CACNA1H: variants seen among roughly 807,000 people sequenced by gnomAD.
CACNA1H encodes calcium voltage-gated channel subunit alpha1 H.
Under a neutral mutation model 192.5 loss-of-function variants are expected in CACNA1H, and 149 were observed. The observed-to-expected ratio is 0.77, with a 90% CI of 0.68 to 0.89. CACNA1H has a LOEUF of 0.89. Among genes scored for constraint, CACNA1H ranks in the 40% least tolerant of loss-of-function variants. The pLI, the probability that CACNA1H is intolerant of heterozygous loss-of-function variation, is 0.00. For missense variants in CACNA1H, 4,257 were observed against 3,423.5 expected (o/e 1.24, Z -6.08); for synonymous variants, 2,202 against 1,475.2 (o/e 1.49, Z -11.29).
chr16:1,171,487 C>T (rs537414620), intron 2 of CACNA1H, among the ~76,000 whole-genome samples: 1 of 152,196 alleles, frequency 6.6e-6, no homozygotes, highest in Non-Finnish European at 1.5e-5. Flanking sequence ...AGGAGGCCCG[C>T]GGGAAGCTTC....
chr16:1,202,323 A>C lies in CACNA1H; in HGVS notation c.1873A>C (p.Lys625Gln), dbSNP rs1567515069. 1 of 1,581,872 alleles carries C rather than the reference A, an allele frequency of 6.3e-7. No homozygotes were observed. Among genetic ancestry groups the C allele is most frequent in the African/African-American group, 1.3e-5 (1 of 74,338 alleles). The change falls in exon 9 of 35, where the codon AAA becomes CAA. Residue 625 changes from lysine to glutamine, a missense_variant. Transcript: ENST00000348261. The part of the protein sequence containing the change: ...TILPSGVGSG[K>Q]GSTSPGPKGK... ...CCTGCCCTCAGGGGTGGGCAGCGGCAAAGGCAGCACCAGCCCCGGACCCAA... is the reference window on the plus strand; with the variant it reads ...CCTGCCCTCAGGGGTGGGCAGCGGCCAAGGCAGCACCAGCCCCGGACCCAA...
chr16:1,199,666 C>G (rs1352212431), intron 6 of CACNA1H, among the ~76,000 whole-genome samples: 1 of 149,588 alleles, frequency 6.7e-6, no homozygotes, highest in African/African-American at 2.5e-5. Flanking sequence ...GTCCCCTCAA[C>G]CCTCACCCCG....
Position 1,218,202 on chromosome 16 carries a change from C to T in CACNA1H, c.5446-8C>T. 1.9e-6 allele frequency: 3 copies of T among 1,546,592 alleles called. No homozygotes were observed. The highest frequency in any genetic ancestry group is 2.6e-6 in the Non-Finnish European group (3 of 1,144,476). On this transcript the variant is annotated splice_region_variant and splice_polypyrimidine_tract_variant and intron_variant, in intron 32 of 34. Coordinates refer to ENST00000348261, the MANE Select transcript of CACNA1H (RefSeq NM_021098.3). ...TGGACCCCGGCCCACAGCTGTCCCCCACCGCAGGACACGCTGCGCGAGTGC... is the reference window on the plus strand; with the variant it reads ...TGGACCCCGGCCCACAGCTGTCCCCTACCGCAGGACACGCTGCGCGAGTGC...
intron 2 of CACNA1H, among the ~76,000 whole-genome samples, chr16:1,183,937 G>A (rs1445553094): frequency 6.6e-6 from 1 of 152,238 alleles, no homozygotes; most frequent in African/African-American, 2.4e-5. Context: ...AGGTGCCCTG[G>A]AGCCGTGTCC....
chr16:1,160,945 G>A (rs1023134760), intron 2 of CACNA1H, among the ~76,000 whole-genome samples: 14 of 152,050 alleles, frequency 9.2e-5, no homozygotes, highest in East Asian at 1.9e-4. Context: ...CCCCAGCCTC[G>A]GTGCAGCCCT....
chr16:1,200,740 G>A lies in CACNA1H; in HGVS notation c.1144G>A (p.Asp382Asn), dbSNP rs375121203. Reference protein sequence around the residue: ...FQVITLEGWVDIMYYVMDAHS... With the variant: ...FQVITLEGWVNIMYYVMDAHS... ...GGTGATCACGCTGGAAGGCTGGGTG[G>A]ACATCATGTACTACGTCATGGACGC... is the stretch of plus-strand genomic sequence containing the variant. The change falls in exon 8 of 35, where the codon GAC becomes AAC. Residue 382 changes from aspartate to asparagine, a missense_variant. Physicochemically the swap from Asp to Asn is conservative, Grantham distance 23 (BLOSUM62 1). Coordinates refer to ENST00000348261, the MANE Select transcript of CACNA1H (RefSeq NM_021098.3). 235 of 1,560,986 alleles carry A rather than the reference G, an allele frequency of 1.5e-4. 1 individual carries two copies. The highest frequency in any genetic ancestry group is 1.9e-4 in the Non-Finnish European group (224 of 1,152,700).
At chr16:1,193,898 G>A (rs866996521) in intron 2 of CACNA1H, among the ~76,000 whole-genome samples, 5 of 152,210 alleles carry the variant, frequency 3.3e-5, no homozygotes, top group Admixed American at 6.5e-5. Context: ...CCCTCCTACC[G>A]TGGCAGCTGC....
rs756273276 is a variant in CACNA1H at position 1,207,401 on chromosome 16, G to T, written c.3034G>T (p.Ala1012Ser). 1 of 1,613,238 alleles carries T rather than the reference G, an allele frequency of 6.2e-7. No homozygotes were observed. The highest frequency in any genetic ancestry group is 8.5e-7 in the Non-Finnish European group (1 of 1,179,806). The change falls in exon 14 of 35, where the codon GCC becomes TCC. Residue 1012 changes from alanine to serine, a missense_variant. Transcript: ENST00000348261. Reference protein sequence around the residue: ...GNYVLFNLLVAILVEGFQAEG... With the variant: ...GNYVLFNLLVSILVEGFQAEG... ...CTATGTGCTCTTCAACCTGCTGGTGGCCATCCTCGTGGAGGGCTTCCAGGC... is the reference window on the plus strand; with the variant it reads ...CTATGTGCTCTTCAACCTGCTGGTGTCCATCCTCGTGGAGGGCTTCCAGGC...
chr16:1,200,601 C>T (rs1967737017), intron 7 of CACNA1H, 30 bp downstream of exon 7: 2 of 1,609,094 alleles, frequency 1.2e-6, no homozygotes, highest in Non-Finnish European at 1.7e-6. Flanking sequence ...GACGGGGACC[C>T]TGGGGCACGG....
intron 2 of CACNA1H, among the ~76,000 whole-genome samples, chr16:1,183,505 G>A (rs1472121685): frequency 6.6e-6 from 1 of 152,176 alleles, no homozygotes. Context: ...GCGCATCCCC[G>A]GCAACCCTGA....
intron 2 of CACNA1H, among the ~76,000 whole-genome samples, chr16:1,160,699 C>T (rs1031251835): frequency 6.6e-6 from 1 of 152,170 alleles, no homozygotes; most frequent in Non-Finnish European, 1.5e-5. Context: ...CCGTGAGAGC[C>T]CCCGGGTTTG....
intron 21 of CACNA1H, 64 bp from the exon 22 acceptor site, chr16:1,211,104 G>A: frequency 1.3e-6 from 2 of 1,588,720 alleles, no homozygotes; most frequent in Non-Finnish European, 1.7e-6. Context: ...CCTTTGCTGA[G>A]CTCTGCCGGC....
intron 2 of CACNA1H, among the ~76,000 whole-genome samples, chr16:1,165,284 G>T (rs1963643030): frequency 1.3e-5 from 2 of 152,216 alleles, no homozygotes; most frequent in African/African-American, 4.8e-5. Flanking sequence ...GGCTTCAGCG[G>T]GCCTGGGGGC....
At chr16:1,205,289 G>A (rs1406826429) in intron 11 of CACNA1H, 24 bp downstream of exon 11, 2 of 1,582,620 alleles carry the variant, frequency 1.3e-6, no homozygotes, top group Non-Finnish European at 1.7e-6. Context: ...CTCTCCCCAG[G>A]AAGAGGGGCC....
At chr16:1,211,664 G>T in intron 23 of CACNA1H, 52 bp from the exon 24 acceptor site, 2 of 1,610,148 alleles carry the variant, frequency 1.2e-6, no homozygotes, top group Non-Finnish European at 8.5e-7. Flanking sequence ...GAGCGAGAGG[G>T]CCGGCGACCC....
chr16:1,187,585 C>A (rs1966200073), intron 2 of CACNA1H, among the ~76,000 whole-genome samples: 1 of 152,212 alleles, frequency 6.6e-6, no homozygotes, highest in African/African-American at 2.4e-5. Context: ...CAGGAACGGC[C>A]CAGCCTCCCG....
At chr16:1,161,073 C>T (rs1210825547) in intron 2 of CACNA1H, among the ~76,000 whole-genome samples, 3 of 152,200 alleles carry the variant, frequency 2.0e-5, no homozygotes, top group Non-Finnish European at 4.4e-5. Context: ...GACACAGTTG[C>T]ACCCCCAGCC....
rs764438301 is a variant in CACNA1H at position 1,204,180 on chromosome 16, C to T, written c.2173C>T (p.Arg725Cys). The stretch of plus-strand genomic sequence containing the variant: ...CTCGGAAAGTGGAGACTCAGATGGC[C>T]GTGGCGTCTATGAATTCACGCAGGA... ...SGSESGDSDG[R>C]GVYEFTQDVR... is the part of the protein sequence containing the mutation. The change falls in exon 10 of 35, where the codon CGT (arginine) becomes TGT (cysteine). Residue 725 changes from arginine to cysteine, a missense_variant. Arg to Cys is a radical substitution (Grantham distance 180). Transcript: ENST00000348261. The T allele has an allele frequency of 2.2e-5, 35 of 1,612,302 alleles. No individual in the cohort carries two copies. The highest frequency in any genetic ancestry group is 1.5e-4 in the Admixed American group (9 of 59,982).
At position 1,195,415 on chromosome 16, in the gene CACNA1H, G is replaced by C; in HGVS notation, c.412-17G>C. 2 of 1,550,992 alleles carry C rather than the reference G, an allele frequency of 1.3e-6. No individual in the cohort carries two copies. The highest frequency in any genetic ancestry group is 1.7e-6 in the Non-Finnish European group (2 of 1,146,934). On this transcript the variant is annotated splice_polypyrimidine_tract_variant and intron_variant, in intron 3 of 34. Transcript: ENST00000348261. ...GCTGAGCTGTTCCACGGGCCCTCCT[G>C]ATGCCTCCTCCCGCAGGCCTTTGAC...
Sources: gnomAD v4.1 joint callset for allele counts (sites outside exome capture counted in the v4.1 genomes callset) on GRCh38, gnomAD v4.1.1 for gene constraint, MANE v1.5 for transcripts, NCBI Gene and HGNC (gene_info 2026-07-23, HGNC 2026-07-21) for gene names.